ADGRV1: variants seen among roughly 807,000 people sequenced by gnomAD.
The protein encoded by ADGRV1 is G-protein coupled receptor 98.
Under a neutral mutation model 596.2 loss-of-function variants are expected in ADGRV1, and 359 were observed. The observed-to-expected ratio is 0.60, with a 90% CI of 0.55 to 0.66. The LOEUF (loss-of-function observed/expected upper bound fraction) is 0.66, where lower values mean the gene tolerates loss of function less well. Ranked by LOEUF, ADGRV1 falls within the 30% of genes least tolerant of loss-of-function variation. The pLI, the probability that ADGRV1 is intolerant of heterozygous loss-of-function variation, is 0.00. For synonymous variants in ADGRV1, 2,681 were observed against 2,679.2 expected (o/e 1.00, Z -0.02); for missense variants, 7,274 against 7,575.6 (o/e 0.96, Z 1.48).
At chr5:90,697,467 A>G (rs920492707) in intron 34 of ADGRV1, among the ~76,000 whole-genome samples, 2 of 147,612 alleles carry the variant, frequency 1.4e-5, no homozygotes, top group African/African-American at 5.4e-5. Context: ...TGAGGATTAA[A>G]TGAGCTAATA....
chr5:90,690,755 C>A, intron 30 of ADGRV1, 42 bp from the exon 31 acceptor site: 1 of 1,561,982 alleles, frequency 6.4e-7, no homozygotes, highest in South Asian at 1.2e-5. Context: ...ATCTCTGTTT[C>A]ACTTTGTATT....
At chr5:90,565,393 A>G (rs1012192415) in intron 1 of ADGRV1, among the ~76,000 whole-genome samples, 11 of 152,172 alleles carry the variant, frequency 7.2e-5, no homozygotes, top group African/African-American at 1.9e-4. Context: ...CTATCTCTAT[A>G]GATGTGCCTA....
At chr5:90,887,521 T>TGCG (rs1770423064) in intron 83 of ADGRV1, among the ~76,000 whole-genome samples, 1 of 152,160 alleles carries the variant, frequency 6.6e-6, no homozygotes, top group Admixed American at 6.6e-5. Flanking sequence ...TTTTCATCAC[T>TGCG]GCTGTGCACT....
intron 45 of ADGRV1, among the ~76,000 whole-genome samples, 181 bp downstream of exon 45, chr5:90,721,240 C>T (rs1049170332): frequency 6.6e-6 from 1 of 152,092 alleles, no homozygotes; most frequent in Non-Finnish European, 1.5e-5. Flanking sequence ...TGTTGAGGCT[C>T]ATGCCTGTAA....
intron 1 of ADGRV1, among the ~76,000 whole-genome samples, chr5:90,575,602 T>A (rs1456687110): frequency 6.6e-6 from 1 of 152,194 alleles, no homozygotes. Context: ...CTCCCATGAA[T>A]GGACAGCGAA....
At chr5:91,010,620 T>G (rs1450028636) in intron 85 of ADGRV1, among the ~76,000 whole-genome samples, 1 of 152,052 alleles carries the variant, frequency 6.6e-6, no homozygotes, top group Non-Finnish European at 1.5e-5. Context: ...CACCCCATAA[T>G]ACAAAGAAAT....
intron 1 of ADGRV1, among the ~76,000 whole-genome samples, chr5:90,594,504 T>TTAA (rs1554055156): frequency 0.13 from 17,923 of 137,510 alleles, 2,063 homozygotes; most frequent in African/African-American, 0.33. Flanking sequence ...TTTTTTTTTT[T>TTAA]TTAATCATTC....
Position 90,759,425 on chromosome 5 carries a change from A to C in ADGRV1, c.11957A>C (p.Glu3986Ala). Residue 3986 changes from glutamate (E) to alanine (A), a missense_variant, in exon 58 of 90, where the codon GAA becomes GCA. By Grantham distance (107) the Glu-to-Ala change is moderately radical (BLOSUM62 -1). Around this residue, in one of 5 missense-constraint regions of ADGRV1, gnomAD observed 3,643 missense variants for 3,809.2 expected, o/e 0.96. Transcript: ENST00000405460. ...CTTTCATAGGTTACTGCAATGATAG[A>C]AATCACCATAATTGATGATGCTGAA... The part of the protein sequence containing the change: ...FADKQVTAMI[E>A]ITIIDDAEFE... The C allele has an allele frequency of 6.4e-7, 1 of 1,562,384 alleles. No homozygotes were observed. Among genetic ancestry groups the C allele is most frequent in the Non-Finnish European group, 8.7e-7 (1 of 1,151,272 alleles).
At chr5:90,755,638 T>C (rs1737642583) in intron 55 of ADGRV1, among the ~76,000 whole-genome samples, 1 of 151,830 alleles carries the variant, frequency 6.6e-6, no homozygotes, top group Admixed American at 6.6e-5. Flanking sequence ...GTTTTAGCTA[T>C]CTGTATTTAT....
intron 83 of ADGRV1, among the ~76,000 whole-genome samples, chr5:90,865,792 A>AC (rs774289876): frequency 7.2e-5 from 11 of 151,918 alleles, no homozygotes; most frequent in African/African-American, 9.7e-5. Flanking sequence ...AAATTCTTAG[A>AC]CCCCCCAAAA....
intron 85 of ADGRV1, among the ~76,000 whole-genome samples, chr5:91,007,999 C>A (rs1012635130): frequency 1.3e-5 from 2 of 152,090 alleles, no homozygotes. Flanking sequence ...CTATGTTATT[C>A]TATGACACGT....
At chr5:90,922,685 G>A (rs1219814992) in intron 83 of ADGRV1, among the ~76,000 whole-genome samples, 6 of 152,166 alleles carry the variant, frequency 3.9e-5, no homozygotes, top group Admixed American at 3.9e-4. Flanking sequence ...CTCAGAATGT[G>A]GTCTGCAGAC....
chr5:90,716,521 A>G lies in ADGRV1; in HGVS notation c.9239A>G (p.Asn3080Ser). ...GGCCCTGGAGTTCTATCATTTAACA[A>G]CAGTGAGCACTTTTTCCTAAGAGAG... ...DDGPGVLSFN[N>S]SEHFFLREPT... Residue 3080 changes from asparagine (N) to serine (S), a missense_variant, in exon 43 of 90, where the codon AAC becomes AGC. This residue lies in a region of ADGRV1 where 3,643 missense variants were observed against 3,809.2 expected (regional missense o/e 0.96). Coordinates refer to ENST00000405460, the MANE Select transcript of ADGRV1 (RefSeq NM_032119.4). The G allele has an allele frequency of 1.2e-6, 2 of 1,611,716 alleles. No homozygotes were observed. The highest frequency in any genetic ancestry group is 1.7e-6 in the Non-Finnish European group (2 of 1,178,498).
intron 78 of ADGRV1, among the ~76,000 whole-genome samples, chr5:90,847,145 C>T (rs1357633541): frequency 6.6e-6 from 1 of 151,578 alleles, no homozygotes; most frequent in Non-Finnish European, 1.5e-5. Context: ...CCAATTGGTG[C>T]ATTCACAAAC....
chr5:91,045,279 A>G (rs1012703868), intron 85 of ADGRV1, among the ~76,000 whole-genome samples: 1 of 152,220 alleles, frequency 6.6e-6, no homozygotes, highest in Non-Finnish European at 1.5e-5. Context: ...CATACATGCA[A>G]AAATCCTCAA....
At chr5:90,869,810 A>G (rs1768491715) in intron 83 of ADGRV1, among the ~76,000 whole-genome samples, 1 of 152,168 alleles carries the variant, frequency 6.6e-6, no homozygotes, top group Admixed American at 6.5e-5. Flanking sequence ...CAGATTAGGA[A>G]ATTGTGACAT....
chr5:90,713,194 T>C (rs1183691132), intron 42 of ADGRV1, among the ~76,000 whole-genome samples: 2 of 152,132 alleles, frequency 1.3e-5, no homozygotes, highest in African/African-American at 4.8e-5. Context: ...GTTTGATGAA[T>C]ATTTGCATTC....
chr5:90,681,445 T>G lies in ADGRV1; in HGVS notation c.5655T>G (p.Val1885=). 1 of 1,611,452 alleles carries G rather than the reference T, an allele frequency of 6.2e-7. No individual in the cohort carries two copies. Among genetic ancestry groups the G allele is most frequent in the Non-Finnish European group, 8.5e-7 (1 of 1,178,722 alleles). Reference sequence around the variant, plus strand: ...AACCAGAAGATGGGTATAGCACTGTTACATTAAATGTGAGTACCTTTTCTT... The same window carrying G: ...AACCAGAAGATGGGTATAGCACTGTGACATTAAATGTGAGTACCTTTTCTT... The part of the protein sequence containing the change: ...GTEPEDGYST[V]TLNVIRHHGT... The change falls in exon 27 of 90, where the codon GTT becomes GTG. Residue 1885 remains valine (V), a synonymous_variant. Transcript: ENST00000405460.
intron 29 of ADGRV1, among the ~76,000 whole-genome samples, chr5:90,687,060 T>C (rs1187999277): frequency 1.3e-5 from 2 of 152,002 alleles, no homozygotes; most frequent in Non-Finnish European, 2.9e-5. Flanking sequence ...TTTGATGGGG[T>C]TGTTTTTTTC....
Sources: gnomAD v4.1 joint callset for allele counts (sites outside exome capture counted in the v4.1 genomes callset) on GRCh38, gnomAD v4.1.1 for gene constraint, gnomAD v4.1.1 regional missense constraint, MANE v1.5 for transcripts, NCBI Gene and HGNC (gene_info 2026-07-23, HGNC 2026-07-21) for gene names.